The following VWA7 variants were observed in gnomAD, a reference collection of about 807,000 sequenced individuals.
The protein encoded by VWA7 is von Willebrand factor A domain containing 7.
VWA7 carries 66 observed loss-of-function variants against 83.1 expected under a neutral mutation model. That is an observed-to-expected ratio of 0.79 (90% CI 0.65 to 0.98). VWA7 has a LOEUF of 0.98. Among genes scored for constraint, VWA7 ranks in the 50% least tolerant of loss-of-function variants. The probability of loss-of-function intolerance (pLI) is 0.00; values close to 1 mark genes in which losing one functional copy is unlikely to be tolerated. For synonymous variants in VWA7, 424 were observed against 488.5 expected, an observed-to-expected ratio of 0.87 and a Z score of 1.74; for missense variants, 1,080 against 1,160.2, an observed-to-expected ratio of 0.93 and a Z score of 1.00.
Position 31,766,731 on chromosome 6 carries a change from C to A in VWA7, c.1916G>T (p.Gly639Val), listed in dbSNP as rs1811627642. 1 of 1,609,266 alleles carries A rather than the reference C, an allele frequency of 6.2e-7. No individual in the cohort carries two copies. ...CCCAGGATTGGCTCTGGAACCCAACCCTGTCACTTCTACCAGCAGCTGGGT... is the reference window on the plus strand; with the variant it reads ...CCCAGGATTGGCTCTGGAACCCAACACTGTCACTTCTACCAGCAGCTGGGT... ...LQTQLLVEVT[G>V]LGSRANPGDP... Residue 639 changes from glycine (G) to valine (V), a missense_variant, in exon 14 of 17, where the codon GGG (glycine) becomes GTG (valine). Physicochemically the swap from Gly to Val is moderately radical, Grantham distance 109 (BLOSUM62 -3). Coordinates refer to ENST00000375688, the MANE Select transcript of VWA7 (RefSeq NM_025258.3). This position sits in a 1 kb window ranked among gnomAD's most constrained non-coding sequence, Gnocchi z 4.9.
intron 7 of VWA7, 82 bp downstream of exon 7, chr6:31,772,872 T>C: frequency 1.3e-6 from 2 of 1,507,420 alleles, no homozygotes; most frequent in Non-Finnish European, 1.8e-6. Flanking sequence ...GTGCTGGGAT[T>C]ACAGGCGTGA....
Position 31,769,950 on chromosome 6 carries a change from GCTCCCC to G in VWA7, c.1200+45_1200+50del. On this transcript the variant is annotated intron_variant, in intron 8 of 16. Transcript: ENST00000375688. The surrounding 1 kb of genome is among the most constrained non-coding windows in gnomAD (Gnocchi z 4.5). The stretch of plus-strand genomic sequence containing the variant: ...GGTGGGGAGCCCCAGGAGGGATCTA[GCTCCCC>G]CTGGTGGTGGGGCCAGGAAACGGGG... 1 of 1,573,850 alleles carries G rather than the reference GCTCCCC, an allele frequency of 6.4e-7. No individual in the cohort carries two copies. The highest frequency in any genetic ancestry group is 8.7e-7 in the Non-Finnish European group (1 of 1,145,618).
chr6:31,765,735 C>A lies in VWA7; in HGVS notation c.2535G>T (p.Pro845=). ...AGGCAGGGGTGGCCGTGGTGAGGAT[C>A]GGGTCAGATGAGCCGGTAGGGGTGG... ...RHTTPTGSSD[P]ILTTATPAFS... Residue 845 remains proline (P), a synonymous_variant, in exon 17 of 17, where the codon CCG becomes CCT. Coordinates refer to ENST00000375688, the MANE Select transcript of VWA7 (RefSeq NM_025258.3). 1 of 1,593,318 alleles carries A rather than the reference C, an allele frequency of 6.3e-7. No homozygotes were observed. The highest frequency in any genetic ancestry group is 2.2e-5 in the East Asian group (1 of 44,536).
Position 31,773,229 on chromosome 6 carries a change from G to C in VWA7, c.917+13C>G. On this transcript the variant is annotated intron_variant, in intron 6 of 16. Transcript: ENST00000375688. This position sits in a 1 kb window ranked among gnomAD's most constrained non-coding sequence, Gnocchi z 5.3. ...CTCCCCATGAAGGGGTCCATCCCCA[G>C]GAGGCCACTCACCTGGAGAAATCCC... is the stretch of plus-strand genomic sequence containing the variant. 6.3e-7 allele frequency: 1 copy of C among 1,597,966 alleles called. No individual in the cohort carries two copies. The highest frequency in any genetic ancestry group is 2.3e-5 in the East Asian group (1 of 44,424).
rs141790582 is a variant in VWA7, at chr6:31,766,341, G to C, written c.2228C>G (p.Pro743Arg). ...SGFLAPGSKV[P>R]LSLRIASFSG... Reference sequence around the variant, plus strand: ...GAAGCTGGCGATGCGGAGACTGAGCGGGACTTTGCTGCCCGGGGCCAAGAA... The same window carrying C: ...GAAGCTGGCGATGCGGAGACTGAGCCGGACTTTGCTGCCCGGGGCCAAGAA... The change falls in exon 15 of 17, where the codon CCG (proline) becomes CGG (arginine). Residue 743 changes from proline (P) to arginine (R), a missense_variant. Transcript: ENST00000375688. The surrounding 1 kb of genome is among the most constrained non-coding windows in gnomAD (Gnocchi z 4.9). The C allele has an allele frequency of 3.7e-6, 6 of 1,608,874 alleles. No homozygotes were observed. Among genetic ancestry groups the C allele is most frequent in the Non-Finnish European group, 5.1e-6 (6 of 1,178,512 alleles).
In VWA7 at chr6:31,767,518, G is replaced by A. The variant is rs776523644; in HGVS notation, c.1637-4C>T. 5.6e-6 allele frequency: 9 copies of A among 1,606,730 alleles called. No homozygotes were observed. In the African/African-American group the frequency reaches 1.2e-4, roughly 21 times the overall value. On this transcript the variant is annotated splice_polypyrimidine_tract_variant and splice_region_variant and intron_variant, in intron 11 of 16. Transcript: ENST00000375688. ...TCCTCCTGGCCCTGGGAGACCCCTG[G>A]GGTCAGGGAAGAGATTGTCACATGA...
At chr6:31,768,235 G>C (rs900640582) in intron 10 of VWA7, among the ~76,000 whole-genome samples, 31 of 152,020 alleles carry the variant, frequency 2.0e-4, no homozygotes, top group African/African-American at 7.2e-4. Context: ...GGGGCACGGG[G>C]CCAGGGATGA....
chr6:31,771,088 C>A (rs909825620), intron 7 of VWA7, among the ~76,000 whole-genome samples: 2 of 151,272 alleles, frequency 1.3e-5, no homozygotes, highest in Admixed American at 6.6e-5. Flanking sequence ...TAGCACTTAC[C>A]TCAGAGGTTT....
chr6:31,774,085 C>T (rs931432354), intron 5 of VWA7, among the ~76,000 whole-genome samples: 4 of 134,022 alleles, frequency 3.0e-5, no homozygotes, highest in African/African-American at 5.7e-5. Context: ...ACCTGGGAGG[C>T]GGAGGTTGCA....
rs1056206044 is a variant in VWA7, at chr6:31,772,852, G to A, written c.1087+102C>T. 30 of 1,413,772 alleles carry A rather than the reference G, an allele frequency of 2.1e-5. 1 individual carries two copies. The highest frequency in any genetic ancestry group is 6.6e-5 in the Admixed American group (3 of 45,360). 87.6% of individuals were successfully genotyped at this position (1,413,772 alleles called of 1,614,324 possible). ...GACCTCAGGTGATCCACCTGCCTCAGCCTCCCAAAGTGCTGGGATTACAGG... is the reference window on the plus strand; with the variant it reads ...GACCTCAGGTGATCCACCTGCCTCAACCTCCCAAAGTGCTGGGATTACAGG... On this transcript the variant is annotated intron_variant, in intron 7 of 16. Coordinates refer to ENST00000375688, the MANE Select transcript of VWA7 (RefSeq NM_025258.3).
Position 31,775,315 on chromosome 6 carries a change from C to A in VWA7, c.610+18G>T. 6.2e-7 allele frequency: 1 copy of A among 1,603,334 alleles called. No individual in the cohort carries two copies. The stretch of plus-strand genomic sequence containing the variant: ...GGCCCTGTGGACTCCTGCCTCACCA[C>A]CAGGGTCACAGCCATACCTTGTGCC... On this transcript the variant is annotated intron_variant, in intron 4 of 16. Transcript: ENST00000375688. This position sits in a 1 kb window ranked among gnomAD's most constrained non-coding sequence, Gnocchi z 5.9.
Position 31,775,429 on chromosome 6 carries a change from C to A in VWA7, c.514G>T (p.Asp172Tyr). 1 of 1,611,510 alleles carries A rather than the reference C, an allele frequency of 6.2e-7. No homozygotes were observed. Among genetic ancestry groups the A allele is most frequent in the Non-Finnish European group, 8.5e-7 (1 of 1,179,248 alleles). The stretch of plus-strand genomic sequence containing the variant: ...ACCCAGTTGCTATGACTGTAGAAAT[C>A]CTGGTCCGGAGGACAGGAGAAGGGG... ...RLGAALHALQDFYSHSNWVEL... is the reference protein window; with the variant it reads ...RLGAALHALQYFYSHSNWVEL... Residue 172 changes from aspartate to tyrosine, a missense_variant and splice_region_variant, in exon 4 of 17, where the codon GAT (aspartate) becomes TAT (tyrosine). Transcript: ENST00000375688. This position sits in a 1 kb window ranked among gnomAD's most constrained non-coding sequence, Gnocchi z 5.9.
In VWA7 at chr6:31,766,166, A is replaced by G; in HGVS notation, c.2324+79T>C. On this transcript the variant is annotated intron_variant, in intron 15 of 16. Transcript: ENST00000375688. The surrounding 1 kb of genome is among the most constrained non-coding windows in gnomAD (Gnocchi z 4.9). ...GAGGAGGATTCTGAGGGCCAGTCGG[A>G]GGGGGACAGGGGCAGGGCTTGGGAT... The G allele has an allele frequency of 3.8e-6, 6 of 1,592,926 alleles. No individual in the cohort carries two copies. The South Asian group carries it at 6.7e-5, about 18-fold the overall frequency.
chr6:31,774,486 T>C, intron 5 of VWA7, 30 bp downstream of exon 5: 1 of 1,599,166 alleles, frequency 6.3e-7, no homozygotes. Context: ...CTTTCTCCCC[T>C]TACTTCTGGG....
At chr6:31,767,074 A>AATATATATATTATATATTATATATTTTAT in intron 13 of VWA7, 84 bp downstream of exon 13, 1 of 344,500 alleles carries the variant, frequency 2.9e-6, no homozygotes, top group Non-Finnish European at 5.3e-6. Context: ...TTATATATAT[A>AATATATATATTATATATTATATATTTTAT]ATATATATAT....
At chr6:31,768,950 C>T in intron 10 of VWA7, 68 bp downstream of exon 10, 1 of 1,464,654 alleles carries the variant, frequency 6.8e-7, no homozygotes. Context: ...TCCCCTTTCT[C>T]CTATAAGAAG....
Position 31,766,240 on chromosome 6 carries a change from C to T in VWA7, c.2324+5G>A. On this transcript the variant is annotated splice_donor_5th_base_variant and intron_variant, in intron 15 of 16. Coordinates refer to ENST00000375688, the MANE Select transcript of VWA7 (RefSeq NM_025258.3). This position sits in a 1 kb window ranked among gnomAD's most constrained non-coding sequence, Gnocchi z 4.9. ...AGAGGGAGCTGGAGGGTTCATGAGCCTCACCTGGAGAGGTTGGAGGTGAGG... is the reference window on the plus strand; with the variant it reads ...AGAGGGAGCTGGAGGGTTCATGAGCTTCACCTGGAGAGGTTGGAGGTGAGG... 6.2e-7 allele frequency: 1 copy of T among 1,611,838 alleles called. No individual in the cohort carries two copies. The highest frequency in any genetic ancestry group is 8.5e-7 in the Non-Finnish European group (1 of 1,179,794).
At chr6:31,768,790 G>A (rs1811880939) in intron 10 of VWA7, among the ~76,000 whole-genome samples, 1 of 151,920 alleles carries the variant, frequency 6.6e-6, no homozygotes, top group Non-Finnish European at 1.5e-5. Context: ...GTTGCAATGA[G>A]CCGAGATTGT....
In VWA7 at chr6:31,769,272, T is replaced by C; in HGVS notation, c.1318-69A>G. ...ATCCACTATTATGAATGAGAATCCC[T>C]GTGCTCAAGCTTTCTCCAGAGCTGA... On this transcript the variant is annotated intron_variant, in intron 9 of 16. Transcript: ENST00000375688. The surrounding 1 kb of genome is among the most constrained non-coding windows in gnomAD (Gnocchi z 4.5). 6.5e-7 allele frequency: 1 copy of C among 1,535,492 alleles called. No homozygotes were observed. The highest frequency in any genetic ancestry group is 8.8e-7 in the Non-Finnish European group (1 of 1,135,478).
Sources: allele counts gnomAD v4.1 joint callset (sites outside exome capture counted in the v4.1 genomes callset), GRCh38; gene constraint gnomAD v4.1.1; non-coding constraint Gnocchi (gnomAD v3.1); transcripts MANE v1.5; gene names NCBI Gene and HGNC (gene_info 2026-07-23, HGNC 2026-07-21).